The following PRPF31 variants were observed in gnomAD, a reference collection of about 807,000 sequenced individuals.
PRPF31 encodes pre-mRNA processing factor 31.
A neutral mutation model predicts 60.4 loss-of-function variants in PRPF31; 12 were observed. The observed-to-expected ratio is 0.20, with a 90% confidence interval of 0.13 to 0.32. The LOEUF (loss-of-function observed/expected upper bound fraction) is 0.32, where lower values mean the gene tolerates loss of function less well. Ranked by LOEUF, PRPF31 falls within the 10% of genes least tolerant of loss-of-function variation. The pLI is 1.00. For missense variants in PRPF31, 431 were observed against 687.1 expected (o/e 0.63, Z 4.17); for synonymous variants, 287 against 287.9 (o/e 1.00, Z 0.03).
chr19:54,122,999 G>A lies in PRPF31; in HGVS notation c.420+405G>A, dbSNP rs587764954. 61 of 449,524 alleles carry A rather than the reference G, an allele frequency of 1.4e-4. No individual in the cohort carries two copies. The Middle Eastern group carries it at 1.9e-3, about 14-fold the overall frequency. The allele number at this position is 449,524 out of a possible 1,614,324, so 27.8% of individuals were successfully genotyped here. A position where few individuals can be genotyped will look rare whatever the true frequency, so the allele number is the denominator to read the frequency against. ...GGGGACGGGGAAGAGGTCGGATCAC[G>A]TCCAGCCTTTGGGTCTTAGGAGAAA... On this transcript the variant is annotated intron_variant, in intron 5 of 13. Transcript: ENST00000321030.
intron 3 of PRPF31, among the ~76,000 whole-genome samples, chr19:54,121,321 G>A (rs2073782826): frequency 6.9e-6 from 1 of 145,086 alleles, no homozygotes; most frequent in South Asian, 2.2e-4. Context: ...AAAAAAAAAG[G>A]CTAGGAGGAG....
Position 54,124,484 on chromosome 19 carries a change from TCCCTC to T in PRPF31, c.698-12_698-8del, listed in dbSNP as rs2146424919. 2.2e-6 allele frequency: 3 copies of T among 1,338,098 alleles called. No individual in the cohort carries two copies. Among genetic ancestry groups the T allele is most frequent in the Non-Finnish European group, 3.0e-6 (3 of 992,394 alleles). 82.9% of individuals were successfully genotyped at this position (1,338,098 alleles called of 1,614,324 possible). A position where few individuals can be genotyped will look rare whatever the true frequency, so the allele number is the denominator to read the frequency against. ...CTTCTGACCGCCCCCCCTTCCTCCC[TCCCTC>T]CCACCGCAGGTGTGGCCGGCGGCCT... On this transcript the variant is annotated splice_polypyrimidine_tract_variant and intron_variant, in intron 7 of 13. Coordinates refer to ENST00000321030, the MANE Select transcript of PRPF31 (RefSeq NM_015629.4).
chr19:54,123,101 G>A, intron 5 of PRPF31: 1 of 495,706 alleles, frequency 2.0e-6, no homozygotes, highest in South Asian at 2.1e-5. Context: ...CGCATGTCCA[G>A]GAAAGGATTA....
intron 3 of PRPF31, among the ~76,000 whole-genome samples, chr19:54,121,145 CAAA>C (rs1209759093): frequency 1.3e-5 from 2 of 151,240 alleles, no homozygotes; most frequent in African/African-American, 4.9e-5. Flanking sequence ...TACAAACAAA[CAAA>C]AAAAATTAGC....
At chr19:54,116,791 T>C (rs36204092) in intron 1 of PRPF31, among the ~76,000 whole-genome samples, 514 of 152,284 alleles carry the variant, frequency 3.4e-3, no homozygotes, top group Non-Finnish European at 5.6e-3. Flanking sequence ...GAGGAGATGC[T>C]GGGCTACTAA....
intron 11 of PRPF31, 127 bp downstream of exon 11, chr19:54,128,504 C>CA (rs769962340): frequency 6.3e-6 from 6 of 955,614 alleles, no homozygotes; most frequent in Non-Finnish European, 9.7e-6. Context: ...CCCCAGCCTC[C>CA]CCCCCCCCGG....
In PRPF31 at chr19:54,124,761, A is replaced by T. The variant is rs1010986025; in HGVS notation, c.855+105A>T. 23 of 1,352,192 alleles carry T rather than the reference A, an allele frequency of 1.7e-5. No homozygotes were observed. In the Admixed American group the frequency reaches 4.0e-4, roughly 23 times the overall value. 83.8% of individuals were successfully genotyped at this position (1,352,192 alleles called of 1,614,324 possible). On this transcript the variant is annotated intron_variant, in intron 8 of 13. Coordinates refer to ENST00000321030, the MANE Select transcript of PRPF31 (RefSeq NM_015629.4). The stretch of plus-strand genomic sequence containing the variant: ...ACCATCTGGCCCAGCTGACGGTAGC[A>T]CTCAGGAGCTGGGAACAGGGTGGCA...
rs1294280439 is a variant in PRPF31, at chr19:54,129,100, G to A, written c.1190G>A (p.Gly397Asp). 1 of 1,580,586 alleles carries A rather than the reference G, an allele frequency of 6.3e-7. No homozygotes were observed. The highest frequency in any genetic ancestry group is 1.9e-5 in the Admixed American group (1 of 53,314). Reference sequence around the variant, plus strand: ...CAGGAGGACCTGGGATTCAGCCTGGGCCACCTGGGCAAGTCGGGCAGTGGG... The same window carrying A: ...CAGGAGGACCTGGGATTCAGCCTGGACCACCTGGGCAAGTCGGGCAGTGGG... ...AYQEDLGFSLGHLGKSGSGRV... is the reference protein window; with the variant it reads ...AYQEDLGFSLDHLGKSGSGRV... Residue 397 changes from glycine to aspartate, a missense_variant, in exon 12 of 14, where the codon GGC becomes GAC. Around this residue, in one of 4 missense-constraint regions of PRPF31, gnomAD observed 314 missense variants for 475.3 expected, o/e 0.66. Coordinates refer to ENST00000321030, the MANE Select transcript of PRPF31 (RefSeq NM_015629.4).
intron 8 of PRPF31, chr19:54,125,326 C>G (rs1263200667): frequency 6.5e-6 from 1 of 154,330 alleles, no homozygotes; most frequent in Non-Finnish European, 1.4e-5. Context: ...GAAACCCCAT[C>G]TCTACCAAAA....
chr19:54,131,264 TCTC>T lies in PRPF31; in HGVS notation c.1375-39_1375-37del, dbSNP rs778146823. Reference sequence around the variant, plus strand: ...CTCTGATGGGTCACAGTTGGGGCCTTCTCCTCACCTAACCCATCATCCTCTCTC... The same window carrying T: ...CTCTGATGGGTCACAGTTGGGGCCTTCTCACCTAACCCATCATCCTCTCTC... On this transcript the variant is annotated intron_variant, in intron 13 of 13. Coordinates refer to ENST00000321030, the MANE Select transcript of PRPF31 (RefSeq NM_015629.4). 6.8e-6 allele frequency: 11 copies of T among 1,612,130 alleles called. No individual in the cohort carries two copies. The Admixed American group carries it at 8.3e-5, about 12-fold the overall frequency.
chr19:54,118,519 A>C lies in PRPF31; in HGVS notation c.178-54A>C. ...ACAGAATCTCCCAGAAGGGGGTGATACAGGCTTCTTTTTGAAGAGTGCTGG... is the reference window on the plus strand; with the variant it reads ...ACAGAATCTCCCAGAAGGGGGTGATCCAGGCTTCTTTTTGAAGAGTGCTGG... On this transcript the variant is annotated intron_variant, in intron 2 of 13. Coordinates refer to ENST00000321030, the MANE Select transcript of PRPF31 (RefSeq NM_015629.4). 6 of 1,613,714 alleles carry C rather than the reference A, an allele frequency of 3.7e-6. No homozygotes were observed. The Admixed American group carries it at 1.0e-4, about 27-fold the overall frequency.
Position 54,129,119 on chromosome 19 carries a change from C to A in PRPF31, c.1209C>A (p.Gly403=), listed in dbSNP as rs748189098. ...GFSLGHLGKS[G]SGRVRQTQVN... ...GCCTGGGCCACCTGGGCAAGTCGGG[C>A]AGTGGGCGTGTGCGGCAGACACAGG... The change falls in exon 12 of 14, where the codon GGC becomes GGA. Residue 403 remains glycine (G), a synonymous_variant. Transcript: ENST00000321030. 6.3e-7 allele frequency: 1 copy of A among 1,583,172 alleles called. No individual in the cohort carries two copies. Among genetic ancestry groups the A allele is most frequent in the East Asian group, 2.3e-5 (1 of 43,808 alleles).
chr19:54,124,721 C>T, intron 8 of PRPF31, 65 bp downstream of exon 8: 1 of 1,551,542 alleles, frequency 6.4e-7, no homozygotes, highest in Non-Finnish European at 8.8e-7. Flanking sequence ...GCCCAGACAG[C>T]CTGAGCAGCC....
chr19:54,123,314 G>A, intron 5 of PRPF31, 140 bp from the exon 6 acceptor site: 1 of 741,560 alleles, frequency 1.3e-6, no homozygotes, highest in Non-Finnish European at 2.5e-6. Context: ...TCAGGCGGTG[G>A]AGGCAGGAGA....
chr19:54,126,454 G>A (rs1016246864), intron 8 of PRPF31, 74 bp from the exon 9 acceptor site: 46 of 1,405,718 alleles, frequency 3.3e-5, no homozygotes, highest in African/African-American at 2.3e-4. Flanking sequence ...GAGGAGGAGC[G>A]CGCGCGGTTG....
Position 54,118,587 on chromosome 19 carries a change from G to C in PRPF31, c.192G>C (p.Met64Ile). ...CTTTCCTACAGTTTGCTGAGATTAT[G>C]ATGAAGATTGAGGAGTATATCAGCA... is the stretch of plus-strand genomic sequence containing the variant. ...LWDSKMFAEIMMKIEEYISKQ... is the reference protein window; with the variant it reads ...LWDSKMFAEIIMKIEEYISKQ... The change falls in exon 3 of 14, where the codon ATG (methionine) becomes ATC (isoleucine). Residue 64 changes from methionine (M) to isoleucine (I), a missense_variant. Met to Ile is a conservative substitution (Grantham distance 10). Coordinates refer to ENST00000321030, the MANE Select transcript of PRPF31 (RefSeq NM_015629.4). The C allele has an allele frequency of 1.9e-6, 3 of 1,614,104 alleles. No individual in the cohort carries two copies. Among genetic ancestry groups the C allele is most frequent in the Non-Finnish European group, 2.5e-6 (3 of 1,180,022 alleles).
intron 1 of PRPF31, among the ~76,000 whole-genome samples, chr19:54,117,283 A>T (rs2073671073): frequency 6.6e-6 from 1 of 152,162 alleles, no homozygotes; most frequent in South Asian, 2.1e-4. Context: ...ATGCTCGCAG[A>T]TGAGAAATGG....
chr19:54,119,247 T>C (rs2146397004), intron 3 of PRPF31, among the ~76,000 whole-genome samples: 1 of 151,906 alleles, frequency 6.6e-6, no homozygotes, highest in South Asian at 2.1e-4. Context: ...CCAGGCGTGG[T>C]GGCGGGTGCC....
At chr19:54,120,085 A>G (rs1205326178) in intron 3 of PRPF31, 4 of 152,248 alleles carry the variant, frequency 2.6e-5, no homozygotes, top group African/African-American at 9.7e-5. Flanking sequence ...AAGAATCGAT[A>G]GCTGAATTGG....
Sources: gnomAD v4.1 joint callset for allele counts (sites outside exome capture counted in the v4.1 genomes callset) on GRCh38, gnomAD v4.1.1 for gene constraint, gnomAD v4.1.1 regional missense constraint, MANE v1.5 for transcripts, NCBI Gene and HGNC (gene_info 2026-07-23, HGNC 2026-07-21) for gene names.